The following TRIP12 variants were observed in gnomAD, a reference collection of about 807,000 sequenced individuals.
TRIP12 encodes the protein thyroid hormone receptor interactor 12.
Under a neutral mutation model 244.2 loss-of-function variants are expected in TRIP12, and 25 were observed. That is an observed-to-expected ratio of 0.10 (90% CI 0.07 to 0.14). TRIP12 has a LOEUF of 0.14. Ranked by LOEUF, TRIP12 falls within the 10% of genes least tolerant of loss-of-function variation. TRIP12 has a pLI of 1.00. For synonymous variants in TRIP12, 905 were observed against 873.1 expected, an observed-to-expected ratio of 1.04 and a Z score of -0.64; for missense variants, 1,677 against 2,486.4, an observed-to-expected ratio of 0.67 and a Z score of 6.92.
intron 31 of TRIP12, 131 bp downstream of exon 31, chr2:229,789,480 T>C: frequency 1.0e-6 from 1 of 1,003,010 alleles, no homozygotes; most frequent in South Asian, 2.8e-5. Flanking sequence ...AAGTTTCCAC[T>C]GATGAGTACA....
chr2:229,768,177 G>C (rs533665485), intron 41 of TRIP12, among the ~76,000 whole-genome samples: 1 of 152,114 alleles, frequency 6.6e-6, no homozygotes, highest in Non-Finnish European at 1.5e-5. Context: ...GGAGGATCTC[G>C]CCTGAGCCCA....
chr2:229,883,167 G>C lies in TRIP12; in HGVS notation c.-49-3039C>G, dbSNP rs938287612. On this transcript the variant is annotated intron_variant, in intron 1 of 41. Coordinates refer to ENST00000675903, the MANE Select transcript of TRIP12 (RefSeq NM_001348323.3). The stretch of plus-strand genomic sequence containing the variant: ...TACTTTGCAGACAAATCCAAATGAA[G>C]AAAGTTCCAAGTAATTTGTTGAAGA... Among the ~76,000 whole-genome samples, 3 of 152,144 alleles carry C rather than the reference G, an allele frequency of 2.0e-5. No homozygotes were observed. The South Asian group carries it at 6.2e-4, about 32-fold the overall frequency.
rs778459941 is a variant in TRIP12 at position 229,787,691 on chromosome 2, T to C, written c.4839-30A>G. On this transcript the variant is annotated intron_variant, in intron 32 of 41. Coordinates refer to ENST00000675903, the MANE Select transcript of TRIP12 (RefSeq NM_001348323.3). The stretch of plus-strand genomic sequence containing the variant: ...AAAAAGATGCAATGTAAGTTTATTA[T>C]CTGGATGAGAATCAGAAACTACTAA... 7 of 1,534,480 alleles carry C rather than the reference T, an allele frequency of 4.6e-6. No homozygotes were observed. In the South Asian group the frequency reaches 7.8e-5, roughly 17 times the overall value.
At chr2:229,824,635 T>C (rs543609488) in intron 8 of TRIP12, among the ~76,000 whole-genome samples, 20 of 152,340 alleles carry the variant, frequency 1.3e-4, no homozygotes, top group African/African-American at 4.6e-4. Flanking sequence ...GCAACATGCA[T>C]GTGGCAGCTA....
chr2:229,796,161 G>T (rs1271779321), intron 25 of TRIP12, among the ~76,000 whole-genome samples: 4 of 152,168 alleles, frequency 2.6e-5, no homozygotes, highest in East Asian at 1.9e-4. Flanking sequence ...GTCATTAAGC[G>T]CCCTTGATTG....
At chr2:229,892,634 C>T (rs2067646216) in intron 1 of TRIP12, among the ~76,000 whole-genome samples, 1 of 152,054 alleles carries the variant, frequency 6.6e-6, no homozygotes, top group Non-Finnish European at 1.5e-5. Flanking sequence ...TTTGGGAGGC[C>T]AAAGTGGGCA....
chr2:229,800,278 A>T (rs1472785642), intron 21 of TRIP12, among the ~76,000 whole-genome samples: 1 of 152,246 alleles, frequency 6.6e-6, no homozygotes, highest in African/African-American at 2.4e-5. Context: ...AGTGAGTAGT[A>T]TGAGTAATTT....
Position 229,765,952 on chromosome 2 carries a change from T to C in TRIP12, c.*1602A>G, listed in dbSNP as rs2031580844. On this transcript the variant is annotated 3_prime_UTR_variant, in exon 42 of 42. Coordinates refer to ENST00000675903, the MANE Select transcript of TRIP12 (RefSeq NM_001348323.3). The stretch of plus-strand genomic sequence containing the variant: ...CCAAGTGAACTCTCAGGAGGGGACA[T>C]TTCCATATAAGGCCATTTAAGTGTA... 3 of 152,186 alleles carry C rather than the reference T, an allele frequency of 2.0e-5. No individual in the cohort carries two copies. The highest frequency in any genetic ancestry group is 4.4e-5 in the Non-Finnish European group (3 of 68,040). 9.4% of individuals were successfully genotyped at this position (152,186 alleles called of 1,614,324 possible).
intron 34 of TRIP12, among the ~76,000 whole-genome samples, chr2:229,784,727 A>G (rs1232150860): frequency 1.3e-5 from 2 of 152,232 alleles, no homozygotes; most frequent in Non-Finnish European, 2.9e-5. Context: ...TAAAACCACC[A>G]TAATATGCCG....
At chr2:229,891,733 C>A (rs567986254) in intron 1 of TRIP12, among the ~76,000 whole-genome samples, 7 of 152,196 alleles carry the variant, frequency 4.6e-5, no homozygotes, top group Non-Finnish European at 1.5e-5. Flanking sequence ...CATTACGTAT[C>A]ATCTTCTATT....
intron 37 of TRIP12, among the ~76,000 whole-genome samples, chr2:229,776,735 G>A (rs745968854): frequency 1.3e-5 from 2 of 152,116 alleles, no homozygotes; most frequent in African/African-American, 2.4e-5. Context: ...TCTAATAGCA[G>A]ATACAGAACC....
At chr2:229,801,390 T>C (rs762501454) in intron 21 of TRIP12, among the ~76,000 whole-genome samples, 9 of 152,220 alleles carry the variant, frequency 5.9e-5, no homozygotes, top group African/African-American at 9.6e-5. Context: ...CTACCTGAGT[T>C]GGCTGCCTGC....
At chr2:229,918,187 G>T (rs1483793572) in intron 1 of TRIP12, among the ~76,000 whole-genome samples, 1 of 152,194 alleles carries the variant, frequency 6.6e-6, no homozygotes, top group Non-Finnish European at 1.5e-5. Context: ...GTTGTAAGTT[G>T]TTCTTCACAT....
chr2:229,921,151 A>G (rs1297111896), intron 1 of TRIP12: 2 of 151,754 alleles, frequency 1.3e-5, no homozygotes, highest in African/African-American at 4.9e-5. Flanking sequence ...CCCCCTCGTC[A>G]TCATCCTCCC....
intron 1 of TRIP12, among the ~76,000 whole-genome samples, chr2:229,910,192 G>A (rs2073992102): frequency 6.6e-6 from 1 of 152,130 alleles, no homozygotes; most frequent in African/African-American, 2.4e-5. Context: ...ACAACTGTCT[G>A]AAGAAATATG....
At chr2:229,782,634 G>C (rs1224165248) in intron 34 of TRIP12, among the ~76,000 whole-genome samples, 1 of 152,096 alleles carries the variant, frequency 6.6e-6, no homozygotes, top group Non-Finnish European at 1.5e-5. Flanking sequence ...TTTACCTTTG[G>C]TGACTGAATA....
At chr2:229,827,449 T>G (rs1194096613) in intron 8 of TRIP12, among the ~76,000 whole-genome samples, 1 of 152,122 alleles carries the variant, frequency 6.6e-6, no homozygotes, top group African/African-American at 2.4e-5. Flanking sequence ...TATAAGCTTT[T>G]TCCTATTTTG....
At chr2:229,871,163 G>C (rs1435431610) in intron 2 of TRIP12, among the ~76,000 whole-genome samples, 1 of 127,196 alleles carries the variant, frequency 7.9e-6, no homozygotes, top group Non-Finnish European at 1.6e-5. Context: ...AACAGAGCAA[G>C]ACACTGTCAA....
At chr2:229,899,922 C>T (rs1431073676) in intron 1 of TRIP12, among the ~76,000 whole-genome samples, 1 of 152,196 alleles carries the variant, frequency 6.6e-6, no homozygotes, top group Non-Finnish European at 1.5e-5. Flanking sequence ...CACCTATAAT[C>T]TTCCAAACAA....
Sources: allele counts gnomAD v4.1 joint callset (sites outside exome capture counted in the v4.1 genomes callset), GRCh38; gene constraint gnomAD v4.1.1; transcripts MANE v1.5; gene names NCBI Gene and HGNC (gene_info 2026-07-23, HGNC 2026-07-21).